The following RIMKLB variants were observed in gnomAD, a reference collection of about 807,000 sequenced individuals.
RIMKLB encodes beta-citrylglutamate synthase B.
A neutral mutation model predicts 32.0 loss-of-function variants in RIMKLB; 7 were observed. That is an observed-to-expected ratio of 0.22 (90% CI 0.12 to 0.41). RIMKLB has a LOEUF of 0.41. Ranked by LOEUF, RIMKLB falls within the 10% of genes least tolerant of loss-of-function variation. The pLI is 1.00. For synonymous variants in RIMKLB, 172 were observed against 185.1 expected (o/e 0.93, Z 0.57); for missense variants, 289 against 498.7 (o/e 0.58, Z 4.00).
chr12:8,703,618 CTG>C (rs914673340), intron 1 of RIMKLB, among the ~76,000 whole-genome samples: 2 of 152,180 alleles, frequency 1.3e-5, no homozygotes, highest in African/African-American at 4.8e-5. Context: ...TGAGGTCCCA[CTG>C]TGTTGTCCAG....
Position 8,775,012 on chromosome 12 carries a change from A to G in RIMKLB, c.*1228A>G, listed in dbSNP as rs991707384. The G allele has an allele frequency of 2.0e-6, 2 of 985,830 alleles. No homozygotes were observed. Among genetic ancestry groups the G allele is most frequent in the Non-Finnish European group, 1.2e-6 (1 of 829,886 alleles). The allele number at this position is 985,830 out of a possible 1,614,324, so 61.1% of individuals were successfully genotyped here. On this transcript the variant is annotated 3_prime_UTR_variant, in exon 6 of 6. Transcript: ENST00000535829. ...TTTAAAAAACAGATGAGTTGTTTTC[A>G]TAAGTAGACTCCACTGGGGTAGAGG... is the stretch of plus-strand genomic sequence containing the variant.
At chr12:8,708,228 TTTG>T (rs1182292062) in intron 1 of RIMKLB, among the ~76,000 whole-genome samples, 12 of 152,166 alleles carry the variant, frequency 7.9e-5, no homozygotes, top group African/African-American at 2.9e-4. Context: ...TATTTGGGAT[TTTG>T]AGCTCATATG....
At chr12:8,740,190 G>A (rs1237153256) in intron 2 of RIMKLB, among the ~76,000 whole-genome samples, 1 of 152,170 alleles carries the variant, frequency 6.6e-6, no homozygotes, top group Non-Finnish European at 1.5e-5. Context: ...ATAAGTGTAA[G>A]CTACCACACC....
chr12:8,752,927 G>A (rs1487095520), intron 4 of RIMKLB, among the ~76,000 whole-genome samples: 1 of 152,010 alleles, frequency 6.6e-6, no homozygotes, highest in Non-Finnish European at 1.5e-5. Context: ...TCTATTTTTA[G>A]TAGAGACGGG....
At position 8,776,624 on chromosome 12, in the gene RIMKLB, T is replaced by C; in HGVS notation, c.*2840T>C. 1.1e-6 allele frequency: 1 copy of C among 904,470 alleles called. No individual in the cohort carries two copies. The highest frequency in any genetic ancestry group is 1.3e-6 in the Non-Finnish European group (1 of 756,424). 56.0% of individuals were successfully genotyped at this position (904,470 alleles called of 1,614,324 possible). ...CACCCATGATGAAAACTGGACTTTA[T>C]ATATCTAAACATACAAGTATGAACT... On this transcript the variant is annotated 3_prime_UTR_variant, in exon 6 of 6. Coordinates refer to ENST00000535829, the MANE Select transcript of RIMKLB (RefSeq NM_001297776.2).
chr12:8,742,332 G>T (rs914670201), intron 2 of RIMKLB: 29 of 163,766 alleles, frequency 1.8e-4, no homozygotes, highest in Non-Finnish European at 3.7e-4. Flanking sequence ...GGTTTCTACT[G>T]CCATCCTAAA....
At chr12:8,747,939 A>G (rs1217842013) in intron 2 of RIMKLB, among the ~76,000 whole-genome samples, 1 of 152,046 alleles carries the variant, frequency 6.6e-6, no homozygotes, top group East Asian at 1.9e-4. Flanking sequence ...TATTTTTAGT[A>G]GAGATGGGGT....
upstream of RIMKLB, chr12:8,697,577 G>C (rs1240644281): frequency 6.0e-6 from 1 of 165,788 alleles, no homozygotes; most frequent in Non-Finnish European, 1.3e-5. Flanking sequence ...GTTTCGAGTT[G>C]GGAGCAAACC....
chr12:8,719,347 A>ATAGC (rs1342739519), intron 2 of RIMKLB, among the ~76,000 whole-genome samples: 1 of 152,120 alleles, frequency 6.6e-6, no homozygotes, highest in Non-Finnish European at 1.5e-5. Context: ...GGGATTATAA[A>ATAGC]TTAAGCTGGG....
chr12:8,772,722 C>A (rs1950509332), intron 5 of RIMKLB, among the ~76,000 whole-genome samples: 1 of 152,232 alleles, frequency 6.6e-6, no homozygotes, highest in Non-Finnish European at 1.5e-5. Context: ...TCTTAAAGTT[C>A]TTTACTTTCC....
chr12:8,696,782 T>C (rs1286073107), upstream of RIMKLB, among the ~76,000 whole-genome samples: 1 of 152,200 alleles, frequency 6.6e-6, no homozygotes, highest in Non-Finnish European at 1.5e-5. Flanking sequence ...TGAAATTATA[T>C]TGTCAATTGA....
In RIMKLB at chr12:8,773,935, G is replaced by A; in HGVS notation, c.*151G>A. 7.0e-7 allele frequency: 1 copy of A among 1,427,660 alleles called. No individual in the cohort carries two copies. The highest frequency in any genetic ancestry group is 9.1e-7 in the Non-Finnish European group (1 of 1,094,546). The allele number at this position is 1,427,660 out of a possible 1,614,324, so 88.4% of individuals were successfully genotyped here. ...GTTGGAGAGAGTGGGAGATAGATGA[G>A]ACCTCTGCTAGTAAGATGTTACTTT... On this transcript the variant is annotated 3_prime_UTR_variant, in exon 6 of 6. Coordinates refer to ENST00000535829, the MANE Select transcript of RIMKLB (RefSeq NM_001297776.2).
At chr12:8,737,265 T>G (rs1281946213) in intron 2 of RIMKLB, among the ~76,000 whole-genome samples, 2 of 150,836 alleles carry the variant, frequency 1.3e-5, no homozygotes, top group African/African-American at 4.9e-5. Context: ...TTTTTTTTTT[T>G]GCCTGTGTCT....
chr12:8,749,756 A>T (rs773930308), intron 2 of RIMKLB, 106 bp from the exon 3 acceptor site: 32 of 733,664 alleles, frequency 4.4e-5, no homozygotes, highest in Non-Finnish European at 6.9e-5. Context: ...AATATTAACA[A>T]AATAGTACAT....
chr12:8,743,859 G>C (rs374789888), intron 2 of RIMKLB, among the ~76,000 whole-genome samples: 1 of 151,860 alleles, frequency 6.6e-6, no homozygotes, highest in Non-Finnish European at 1.5e-5. Flanking sequence ...TAAAATATTT[G>C]TACCAAAATC....
At chr12:8,682,214 G>A (rs750927202) in intron 1 of RIMKLB, among the ~76,000 whole-genome samples, 1 of 152,172 alleles carries the variant, frequency 6.6e-6, no homozygotes, top group Non-Finnish European at 1.5e-5. Flanking sequence ...GGAAGAACAT[G>A]TAGTTCCTAA....
rs1565613517 is a variant in RIMKLB at position 8,750,075 on chromosome 12, C to T, written c.389C>T (p.Pro130Leu). The T allele has an allele frequency of 2.5e-6, 4 of 1,603,178 alleles. No individual in the cohort carries two copies. Among genetic ancestry groups the T allele is most frequent in the East Asian group, 2.2e-5 (1 of 44,630 alleles). The change falls in exon 3 of 6, where the codon CCG (proline) becomes CTG (leucine). Residue 130 changes from proline to leucine, a missense_variant. Physicochemically the swap from Pro to Leu is moderately conservative, Grantham distance 98. Around this residue, in one of 3 missense-constraint regions of RIMKLB, gnomAD observed 156 missense variants for 329.5 expected, o/e 0.47. Transcript: ENST00000535829. ...QELAGHGVPLPDTFSYGGHEN... is the reference protein window; with the variant it reads ...QELAGHGVPLLDTFSYGGHEN... ...TTGGCTGGCCATGGTGTTCCTCTGC[C>T]GGATACTTTCTCTTATGGTGAGCCT...
chr12:8,735,150 G>A (rs1291987496), intron 2 of RIMKLB, among the ~76,000 whole-genome samples: 1 of 152,198 alleles, frequency 6.6e-6, no homozygotes, highest in Admixed American at 6.5e-5. Context: ...TCAGAGAGCT[G>A]CAGAATATTT....
At chr12:8,762,792 C>T (rs768391281) in intron 5 of RIMKLB, among the ~76,000 whole-genome samples, 22 of 152,280 alleles carry the variant, frequency 1.4e-4, no homozygotes, top group Non-Finnish European at 2.4e-4. Flanking sequence ...CTGAGCACTG[C>T]GTACCCTGCT....
Sources: allele counts gnomAD v4.1 joint callset (sites outside exome capture counted in the v4.1 genomes callset), GRCh38; gene constraint gnomAD v4.1.1; regional missense constraint gnomAD v4.1.1; transcripts MANE v1.5; gene names NCBI Gene and HGNC (gene_info 2026-07-23, HGNC 2026-07-21).